The following CACNA2D1 variants were observed in gnomAD, a reference collection of about 807,000 sequenced individuals.
CACNA2D1 encodes calcium voltage-gated channel auxiliary subunit alpha2delta 1, also known as voltage-dependent calcium channel subunit alpha-2/delta-1.
In CACNA2D1, 53 loss-of-function variants were observed where a neutral mutation model predicts 171.5. That is an observed-to-expected ratio of 0.31 (90% CI 0.25 to 0.39). The LOEUF (loss-of-function observed/expected upper bound fraction) is 0.39, where lower values mean the gene tolerates loss of function less well. CACNA2D1 is among the 10% of genes least tolerant of loss of function. The pLI is 1.00. For synonymous variants in CACNA2D1, 442 were observed against 443.1 expected (o/e 1.00, Z 0.03); for missense variants, 903 against 1,299.8 (o/e 0.69, Z 4.69).
At chr7:81,990,136 A>G (rs1410982422) in intron 21 of CACNA2D1, among the ~76,000 whole-genome samples, 40 of 152,188 alleles carry the variant, frequency 2.6e-4, no homozygotes, top group Non-Finnish European at 1.2e-4. Flanking sequence ...CAGGTATTAG[A>G]AACATCATCT....
At chr7:82,298,675 G>C (rs1391749854) in intron 3 of CACNA2D1, among the ~76,000 whole-genome samples, 2 of 151,866 alleles carry the variant, frequency 1.3e-5, no homozygotes, top group African/African-American at 2.4e-5. Flanking sequence ...TCCTAGGCTT[G>C]AGTGTTCTGA....
At chr7:82,442,218 A>T (rs1223930133) in intron 1 of CACNA2D1, among the ~76,000 whole-genome samples, 1 of 152,212 alleles carries the variant, frequency 6.6e-6, no homozygotes, top group Non-Finnish European at 1.5e-5. Flanking sequence ...TCAACCGCTA[A>T]AGATTCACTG....
chr7:82,171,888 T>C (rs2129150217), intron 3 of CACNA2D1, among the ~76,000 whole-genome samples: 1 of 152,208 alleles, frequency 6.6e-6, no homozygotes, highest in Non-Finnish European at 1.5e-5. Flanking sequence ...TATGAACTAT[T>C]CCTTAGCGTA....
At chr7:82,060,678 AT>A (rs569701673) in intron 9 of CACNA2D1, 151 bp from the exon 10 acceptor site, 32 of 495,868 alleles carry the variant, frequency 6.5e-5, no homozygotes, top group African/African-American at 3.7e-4. Flanking sequence ...AAAAAGTTAC[AT>A]TTTTTGATAG....
chr7:82,143,114 G>A (rs1442534439), intron 4 of CACNA2D1, among the ~76,000 whole-genome samples: 1 of 152,058 alleles, frequency 6.6e-6, no homozygotes, highest in East Asian at 1.9e-4. Flanking sequence ...AGGAAAAAAA[G>A]TATTTTTTCC....
chr7:81,980,633 G>C (rs1168137772), intron 24 of CACNA2D1, among the ~76,000 whole-genome samples: 1 of 152,076 alleles, frequency 6.6e-6, no homozygotes, highest in East Asian at 1.9e-4. Flanking sequence ...TTACAGAACA[G>C]AGACAGCATT....
intron 21 of CACNA2D1, among the ~76,000 whole-genome samples, chr7:81,985,196 CTTTT>C (rs774555240): frequency 2.9e-5 from 3 of 104,186 alleles, no homozygotes; most frequent in African/African-American, 4.1e-5. Flanking sequence ...ATTATCATTA[CTTTT>C]TTTTTTTTTT....
At chr7:82,093,109 C>T (rs1291444762) in intron 6 of CACNA2D1, among the ~76,000 whole-genome samples, 1 of 151,800 alleles carries the variant, frequency 6.6e-6, no homozygotes, top group Non-Finnish European at 1.5e-5. Context: ...TGTGCAAAAA[C>T]TATTCTCACC....
At chr7:82,059,967 A>T (rs1806415983) in intron 10 of CACNA2D1, among the ~76,000 whole-genome samples, 1 of 68,860 alleles carries the variant, frequency 1.5e-5, no homozygotes, top group Non-Finnish European at 2.6e-5. Flanking sequence ...GGACACAGGA[A>T]GGGGAACATC....
At position 81,950,316 on chromosome 7, in the gene CACNA2D1, G is replaced by C; in HGVS notation, c.*76C>G. The C allele has an allele frequency of 3.1e-6, 5 of 1,611,974 alleles. No homozygotes were observed. The highest frequency in any genetic ancestry group is 4.2e-6 in the Non-Finnish European group (5 of 1,178,772). On this transcript the variant is annotated 3_prime_UTR_variant, in exon 39 of 39. Transcript: ENST00000356860. The stretch of plus-strand genomic sequence containing the variant: ...TGTCTGATTTTATAGCTGACCCTAC[G>C]TTACTGTAATTGAGGGCAGGGCTCA...
intron 6 of CACNA2D1, among the ~76,000 whole-genome samples, chr7:82,094,095 T>C (rs1811565748): frequency 6.6e-6 from 1 of 152,174 alleles, no homozygotes; most frequent in Non-Finnish European, 1.5e-5. Flanking sequence ...ACTCAAGGGT[T>C]TGTGTCAACC....
chr7:82,354,396 T>C (rs557988429), intron 1 of CACNA2D1, among the ~76,000 whole-genome samples: 132 of 152,150 alleles, frequency 8.7e-4, no homozygotes, highest in Middle Eastern at 6.8e-3. Context: ...CATGAGAATG[T>C]GGAAGTGGGG....
chr7:82,001,702 C>T (rs746124661), intron 18 of CACNA2D1: 2 of 1,250,784 alleles, frequency 1.6e-6, no homozygotes, highest in South Asian at 2.5e-5. Flanking sequence ...TGTTGGTATA[C>T]CTACACCAAT....
chr7:82,038,497 T>C (rs1314453723), intron 10 of CACNA2D1, among the ~76,000 whole-genome samples: 5 of 152,168 alleles, frequency 3.3e-5, no homozygotes, highest in South Asian at 2.1e-4. Context: ...AATTAAATTA[T>C]ATGACATCCC....
At chr7:82,240,736 A>AGG (rs1804156683) in intron 3 of CACNA2D1, among the ~76,000 whole-genome samples, 1 of 152,164 alleles carries the variant, frequency 6.6e-6, no homozygotes, top group Non-Finnish European at 1.5e-5. Flanking sequence ...TGGGAGGACG[A>AGG]GGCGGGCGGA....
chr7:82,027,308 G>A lies in CACNA2D1; in HGVS notation c.1143+5489C>T, dbSNP rs117933814. ...AAATATCTCAAATTCCAAGATGAACGTTTTATTCATTTAACATGGCCTTCT... is the reference window on the plus strand; with the variant it reads ...AAATATCTCAAATTCCAAGATGAACATTTTATTCATTTAACATGGCCTTCT... On this transcript the variant is annotated intron_variant, in intron 12 of 38. Transcript: ENST00000356860. Among the ~76,000 whole-genome samples, 243 of 151,764 alleles carry A rather than the reference G, an allele frequency of 1.6e-3. 4 individuals are homozygous for A. The East Asian group carries it at 0.018, about 11-fold the overall frequency.
intron 7 of CACNA2D1, among the ~76,000 whole-genome samples, chr7:82,073,794 T>C (rs1468085009): frequency 6.6e-6 from 1 of 151,972 alleles, no homozygotes; most frequent in Admixed American, 6.6e-5. Flanking sequence ...AGATACGGGG[T>C]TTCATCATGT....
chr7:82,278,549 C>T (rs1288907760), intron 3 of CACNA2D1, among the ~76,000 whole-genome samples: 1 of 118,660 alleles, frequency 8.4e-6, no homozygotes, highest in Non-Finnish European at 1.6e-5. Context: ...CAGAGTGAGA[C>T]TCTGTCTTAA....
In CACNA2D1 at chr7:82,188,424, G is replaced by A. The variant is rs545243254; in HGVS notation, c.295-17815C>T. ...ATTTTACTTTTTTGGCTGATTGAAT[G>A]TTGACTAAATTGATGTAGCAAGAAT... On this transcript the variant is annotated intron_variant, in intron 3 of 38. Transcript: ENST00000356860. Among the ~76,000 whole-genome samples, 12 of 152,144 alleles carry A rather than the reference G, an allele frequency of 7.9e-5. No homozygotes were observed. The East Asian group carries it at 2.3e-3, about 29-fold the overall frequency.
Sources: allele counts gnomAD v4.1 joint callset (sites outside exome capture counted in the v4.1 genomes callset), GRCh38; gene constraint gnomAD v4.1.1; transcripts MANE v1.5; gene names NCBI Gene and HGNC (gene_info 2026-07-23, HGNC 2026-07-21).